The following SV2C variants were observed in gnomAD, a reference collection of about 807,000 sequenced individuals.
The protein encoded by SV2C is synaptic vesicle glycoprotein 2C, also known as solute carrier family 22 member B3.
SV2C carries 49 observed loss-of-function variants against 79.7 expected under a neutral mutation model. The observed-to-expected ratio is 0.61, with a 90% CI of 0.49 to 0.78. SV2C has a LOEUF of 0.78. Among genes scored for constraint, SV2C ranks in the 30% least tolerant of loss-of-function variants. The pLI is 0.00. For missense variants in SV2C, 833 were observed against 912.9 expected, an observed-to-expected ratio of 0.91 and a Z score of 1.13; for synonymous variants, 334 against 333.2, an observed-to-expected ratio of 1.00 and a Z score of -0.03.
rs1340620946 is a variant in SV2C at position 76,120,555 on chromosome 5, C to T, written c.-101-11095C>T. ...ACAACAGTCCCCAGTGTGTGATGTT[C>T]CCCTTCCTGTGTCCATGTGTTCTCA... On this transcript the variant is annotated intron_variant, in intron 1 of 12. Coordinates refer to ENST00000502798, the MANE Select transcript of SV2C (RefSeq NM_014979.4). Among the ~76,000 whole-genome samples, 3 of 122,454 alleles carry T rather than the reference C, an allele frequency of 2.4e-5. No homozygotes were observed. In the East Asian group the frequency reaches 7.7e-4, roughly 32 times the overall value. The allele number at this position is 122,454 out of a possible 152,430, so 80.3% of individuals were successfully genotyped here.
the SV2C span, among the ~76,000 whole-genome samples, chr5:75,888,762 C>T: frequency 6.6e-6 from 1 of 152,088 alleles, no homozygotes; most frequent in Non-Finnish European, 1.5e-5. Context: ...CCTTGCTAAA[C>T]TGTAAATGCC....
At chr5:75,924,323 C>T in the SV2C span, among the ~76,000 whole-genome samples, 1 of 152,276 alleles carries the variant, frequency 6.6e-6, no homozygotes, top group African/African-American at 2.4e-5. Context: ...GCTCATGTTA[C>T]AGGTGCACTA....
chr5:75,878,831 T>G, the SV2C span, among the ~76,000 whole-genome samples: 10 of 151,972 alleles, frequency 6.6e-5, no homozygotes, highest in South Asian at 2.1e-3. Context: ...ATAAAACATA[T>G]CTGAGGCTGG....
the SV2C span, among the ~76,000 whole-genome samples, chr5:76,016,451 C>A: frequency 1.3e-5 from 2 of 152,034 alleles, no homozygotes; most frequent in Non-Finnish European, 2.9e-5. Context: ...CCCAAAGGGT[C>A]TCTCACCACA....
chr5:76,260,467 T>A (rs1326008213), intron 4 of SV2C, among the ~76,000 whole-genome samples: 2 of 152,232 alleles, frequency 1.3e-5, no homozygotes, highest in African/African-American at 4.8e-5. Flanking sequence ...TTTGTCAATT[T>A]TGGCTTTTGT....
At chr5:75,990,779 A>G in the SV2C span, among the ~76,000 whole-genome samples, 4 of 152,012 alleles carry the variant, frequency 2.6e-5, no homozygotes, top group African/African-American at 4.8e-5. Context: ...CATTGTGCAC[A>G]TATATCCTAG....
chr5:76,351,462 T>C (rs1252092390), intron 12 of SV2C, among the ~76,000 whole-genome samples: 4 of 149,798 alleles, frequency 2.7e-5, no homozygotes, highest in Admixed American at 2.0e-4. Flanking sequence ...AAAAAAAAAA[T>C]AGTCTCAATG....
chr5:75,943,287 G>A, the SV2C span, among the ~76,000 whole-genome samples: 1 of 152,126 alleles, frequency 6.6e-6, no homozygotes, highest in Admixed American at 6.6e-5. Flanking sequence ...GCTTTTAAAT[G>A]GGTACAAGTA....
At chr5:76,316,451 A>G (rs1748621827) in intron 12 of SV2C, among the ~76,000 whole-genome samples, 1 of 152,124 alleles carries the variant, frequency 6.6e-6, no homozygotes, top group South Asian at 2.1e-4. Context: ...ACACATCACT[A>G]AGGTTTGAAA....
the SV2C span, among the ~76,000 whole-genome samples, chr5:76,004,354 C>T: frequency 1.3e-5 from 2 of 152,238 alleles, no homozygotes; most frequent in Admixed American, 6.5e-5. Context: ...ATGTGTTGGA[C>T]GTCAACTAAG....
chr5:76,275,017 G>A (rs911048297), intron 4 of SV2C, among the ~76,000 whole-genome samples: 2 of 152,070 alleles, frequency 1.3e-5, no homozygotes, highest in Non-Finnish European at 2.9e-5. Flanking sequence ...GGTGCCTTGT[G>A]AGTAAAGAAG....
rs936095590 is a variant in SV2C at position 76,168,851 on chromosome 5, G to A, written c.581-26068G>A. 1.3e-4 allele frequency among the ~76,000 whole-genome samples: 20 copies of A among 152,224 alleles called. 1 individual carries two copies. The highest frequency in any genetic ancestry group is 7.4e-5 in the Non-Finnish European group (5 of 68,012). ...ACCCCGAAGAGGAAATCCCTGCCCC[G>A]CTCTTGAGTTGCTCTCAAAGGCTGA... On this transcript the variant is annotated intron_variant, in intron 2 of 12. Transcript: ENST00000502798.
At chr5:76,269,159 G>C (rs1442746939) in intron 4 of SV2C, among the ~76,000 whole-genome samples, 2 of 151,288 alleles carry the variant, frequency 1.3e-5, no homozygotes, top group East Asian at 3.9e-4. Context: ...TGTATTATAA[G>C]ATGTTTAGTA....
chr5:75,971,268 A>T, the SV2C span, among the ~76,000 whole-genome samples: 1 of 152,084 alleles, frequency 6.6e-6, no homozygotes, highest in East Asian at 1.9e-4. Context: ...CTGGCACAAG[A>T]CAGTGATGCC....
At chr5:76,208,416 T>C (rs1305424994) in intron 3 of SV2C, among the ~76,000 whole-genome samples, 1 of 152,208 alleles carries the variant, frequency 6.6e-6, no homozygotes, top group African/African-American at 2.4e-5. Flanking sequence ...TGTCCACTGA[T>C]GCGTAACTAT....
intron 2 of SV2C, among the ~76,000 whole-genome samples, chr5:76,155,205 C>G (rs1046595311): frequency 2.6e-5 from 4 of 152,220 alleles, no homozygotes; most frequent in African/African-American, 9.6e-5. Context: ...TTACATGACT[C>G]AGTTTCCAGC....
the SV2C span, among the ~76,000 whole-genome samples, chr5:75,965,809 G>T: frequency 5.9e-5 from 9 of 151,920 alleles, no homozygotes; most frequent in Non-Finnish European, 7.4e-5. Flanking sequence ...TGTCTCAAGT[G>T]CTGGAAGATT....
the SV2C span, among the ~76,000 whole-genome samples, chr5:75,930,592 GA>G: frequency 9.2e-5 from 14 of 152,192 alleles, no homozygotes; most frequent in Middle Eastern, 3.2e-3. Flanking sequence ...TTGCATCTCA[GA>G]ATGCAATTTT....
At chr5:76,241,607 G>A (rs1408794876) in intron 4 of SV2C, among the ~76,000 whole-genome samples, 1 of 151,568 alleles carries the variant, frequency 6.6e-6, no homozygotes, top group Non-Finnish European at 1.5e-5. Flanking sequence ...AATGACTAGG[G>A]GTCAGGTCCC....
Sources: gnomAD v4.1 joint callset for allele counts (sites outside exome capture counted in the v4.1 genomes callset) on GRCh38, gnomAD v4.1.1 for gene constraint, MANE v1.5 for transcripts, NCBI Gene and HGNC (gene_info 2026-07-23, HGNC 2026-07-21) for gene names.